Variants in SLC17A8 observed in about 807,000 individuals in gnomAD.
The protein encoded by SLC17A8 is solute carrier family 17 member 8.
Under a neutral mutation model 58.0 loss-of-function variants are expected in SLC17A8, and 31 were observed. The observed-to-expected ratio is 0.53, with a 90% CI of 0.40 to 0.72. The LOEUF is 0.72. Among genes scored for constraint, SLC17A8 ranks in the 30% least tolerant of loss-of-function variants. The probability of loss-of-function intolerance (pLI) is 0.00; values close to 1 mark genes in which losing one functional copy is unlikely to be tolerated. For missense variants in SLC17A8, 655 were observed against 727.8 expected, an observed-to-expected ratio of 0.90 and a Z score of 1.15; for synonymous variants, 228 against 249.0, an observed-to-expected ratio of 0.92 and a Z score of 0.79.
chr12:100,383,279 T>G (rs1388723333), intron 2 of SLC17A8, among the ~76,000 whole-genome samples: 1 of 152,242 alleles, frequency 6.6e-6, no homozygotes, highest in Non-Finnish European at 1.5e-5. Context: ...ACAATGCTAG[T>G]GTGCGCTCTC....
In SLC17A8 at chr12:100,380,814, TC is replaced by T. The variant is rs1271228606; in HGVS notation, c.219del (p.Lys74SerfsTer8). 1 of 1,613,994 alleles carries T rather than the reference TC, an allele frequency of 6.2e-7. No individual in the cohort carries two copies. The highest frequency in any genetic ancestry group is 8.5e-7 in the Non-Finnish European group (1 of 1,180,026). ...CTCTGCGACTGCCACTGCTGCGGCCTCCCCAAGCGTTACATCATTGCTATCA... is the reference window on the plus strand; with the variant it reads ...CTCTGCGACTGCCACTGCTGCGGCCTCCCAAGCGTTACATCATTGCTATCA... ...PPLCDCHCCG[L>X]PKRYIIAIMS... On this transcript the variant is annotated frameshift_variant, in exon 2 of 12. Transcript: ENST00000323346. LOFTEE classifies it high-confidence loss of function.
In SLC17A8 at chr12:100,400,064, T is replaced by C. The variant is rs758455078; in HGVS notation, c.677-1713T>C. Among the ~76,000 whole-genome samples, 87 of 152,096 alleles carry C rather than the reference T, an allele frequency of 5.7e-4. 2 individuals carry two copies. Among genetic ancestry groups the C allele is most frequent in the African/African-American group, 2.2e-4 (9 of 41,410 alleles). ...AAGGAGAGTTAAACAAAGTCATAGG[T>C]ACAGTATACTTAGCATGGTACTAGG... On this transcript the variant is annotated intron_variant, in intron 5 of 11. Coordinates refer to ENST00000323346, the MANE Select transcript of SLC17A8 (RefSeq NM_139319.3).
At chr12:100,358,433 C>T (rs1189033505) in intron 1 of SLC17A8, among the ~76,000 whole-genome samples, 2 of 152,052 alleles carry the variant, frequency 1.3e-5, no homozygotes, top group African/African-American at 4.8e-5. Context: ...TGACTATTTC[C>T]AGGCAATCTG....
intron 9 of SLC17A8, chr12:100,410,519 G>C (rs1458832607): frequency 6.6e-6 from 1 of 150,484 alleles, no homozygotes; most frequent in Admixed American, 6.6e-5. Context: ...AAGTTAGCCG[G>C]GCGTGGTGGT....
At chr12:100,375,786 C>T (rs148347177) in intron 1 of SLC17A8, among the ~76,000 whole-genome samples, 39 of 152,260 alleles carry the variant, frequency 2.6e-4, no homozygotes, top group African/African-American at 8.9e-4. Flanking sequence ...CAGGCACTGC[C>T]GTGAATCATT....
intron 2 of SLC17A8, among the ~76,000 whole-genome samples, chr12:100,388,844 A>C (rs747524598): frequency 6.6e-5 from 10 of 152,212 alleles, no homozygotes; most frequent in Non-Finnish European, 1.2e-4. Flanking sequence ...GCGAATACAC[A>C]CTTGTACCTT....
At chr12:100,364,574 T>C (rs1379988310) in intron 1 of SLC17A8, among the ~76,000 whole-genome samples, 3 of 152,202 alleles carry the variant, frequency 2.0e-5, no homozygotes, top group Admixed American at 1.3e-4. Flanking sequence ...TGACATCAAC[T>C]GGCCAAGTCA....
chr12:100,368,206 T>A (rs1952533499), intron 1 of SLC17A8, among the ~76,000 whole-genome samples: 1 of 152,172 alleles, frequency 6.6e-6, no homozygotes, highest in African/African-American at 2.4e-5. Flanking sequence ...AGGGCCAAGC[T>A]CCTCCTGAAG....
intron 8 of SLC17A8, among the ~76,000 whole-genome samples, chr12:100,403,774 G>T (rs1952807595): frequency 1.3e-5 from 2 of 152,200 alleles, no homozygotes; most frequent in African/African-American, 4.8e-5. Flanking sequence ...TCTCCCATGT[G>T]CCATGCCCTC....
Position 100,421,568 on chromosome 12 carries a change from A to C in SLC17A8, c.*1409A>C, listed in dbSNP as rs2136021631. 1 of 151,654 alleles carries C rather than the reference A, an allele frequency of 6.6e-6. No individual in the cohort carries two copies. Among genetic ancestry groups the C allele is most frequent in the Admixed American group, 6.6e-5 (1 of 15,202 alleles). The allele number at this position is 151,654 out of a possible 1,614,324, so 9.4% of individuals were successfully genotyped here. ...TGAAAATAAAATTATTTTCCTGTTC[A>C]TTGATTTTAAACATTTTATTCCTAC... is the stretch of plus-strand genomic sequence containing the variant. On this transcript the variant is annotated 3_prime_UTR_variant, in exon 12 of 12. Transcript: ENST00000323346.
rs77819110 is a variant in SLC17A8 at position 100,411,722 on chromosome 12, C to A, written c.1187-1048C>A. 5.9e-3 allele frequency among the ~76,000 whole-genome samples: 893 copies of A among 152,124 alleles called. 7 individuals carry two copies. The highest frequency in any genetic ancestry group is 0.021 in the African/African-American group (862 of 41,504). The stretch of plus-strand genomic sequence containing the variant: ...AACTTTTTTTTCGGGTGAGAAGGAA[C>A]TTCTTCATAATTTCCTCATTCTTTT... On this transcript the variant is annotated intron_variant, in intron 9 of 11. Coordinates refer to ENST00000323346, the MANE Select transcript of SLC17A8 (RefSeq NM_139319.3).
intron 9 of SLC17A8, among the ~76,000 whole-genome samples, chr12:100,412,231 C>T (rs1566404225): frequency 1.3e-5 from 2 of 152,076 alleles, no homozygotes; most frequent in Non-Finnish European, 1.5e-5. Flanking sequence ...TTTGTGAACA[C>T]CCAGGGAATA....
chr12:100,411,043 C>A (rs73376052), intron 9 of SLC17A8, among the ~76,000 whole-genome samples: 3,324 of 152,258 alleles, frequency 0.022, 126 homozygotes, highest in African/African-American at 0.075. Context: ...GAAAGTGAAC[C>A]CATACCAGTT....
intron 1 of SLC17A8, among the ~76,000 whole-genome samples, chr12:100,371,593 ACT>A (rs1555325335): frequency 6.6e-6 from 1 of 151,830 alleles, no homozygotes; most frequent in Non-Finnish European, 1.5e-5. Context: ...CAGAGTTCTC[ACT>A]CTGTCACCCA....
rs140457620 is a variant in SLC17A8, at chr12:100,386,877, C to T, written c.355-4124C>T. On this transcript the variant is annotated intron_variant, in intron 2 of 11. Transcript: ENST00000323346. ...CTAATTTTTATATTTTTAGTAGAGA[C>T]GGGGTTTCACCACATTGGCCAGGCT... Among the ~76,000 whole-genome samples the T allele has an allele frequency of 4.8e-3, 731 of 152,016 alleles. 6 individuals carry two copies. Among genetic ancestry groups the T allele is most frequent in the African/African-American group, 0.016 (678 of 41,496 alleles).
intron 1 of SLC17A8, among the ~76,000 whole-genome samples, chr12:100,367,832 C>T (rs115667114): frequency 1.3e-5 from 2 of 152,170 alleles, no homozygotes; most frequent in Non-Finnish European, 2.9e-5. Flanking sequence ...GGATTACAGG[C>T]GTGAACCCCT....
rs151279624 is a variant in SLC17A8 at position 100,388,829 on chromosome 12, AT to A, written c.355-2169del. Among the ~76,000 whole-genome samples the A allele has an allele frequency of 3.1e-3, 478 of 152,314 alleles. 5 individuals carry two copies. The highest frequency in any genetic ancestry group is 0.011 in the African/African-American group (450 of 41,566). ...TACAAAGCCATTCATTTATTCATTC[AT>A]TTGGCGAATACACACTTGTACCTTC... On this transcript the variant is annotated intron_variant, in intron 2 of 11. Coordinates refer to ENST00000323346, the MANE Select transcript of SLC17A8 (RefSeq NM_139319.3).
rs111618673 is a variant in SLC17A8, at chr12:100,407,132, A to G, written c.1186+2962A>G. On this transcript the variant is annotated intron_variant, in intron 9 of 11. Transcript: ENST00000323346. ...TATAAAAAGTTCTCAACAAATGTTA[A>G]TGCTGCTTTTTTTCTCCTATGTTCA... is the stretch of plus-strand genomic sequence containing the variant. 6.2e-3 allele frequency among the ~76,000 whole-genome samples: 947 copies of G among 152,352 alleles called. 7 individuals are homozygous for G. Among genetic ancestry groups the G allele is most frequent in the Non-Finnish European group, 0.011 (721 of 68,038 alleles).
At chr12:100,408,481 ACT>A (rs1952842340) in intron 9 of SLC17A8, among the ~76,000 whole-genome samples, 2 of 152,072 alleles carry the variant, frequency 1.3e-5, no homozygotes, top group Non-Finnish European at 2.9e-5. Context: ...TTTCTTGTCA[ACT>A]CTAAATAGGT....
Sources: gnomAD v4.1 joint callset for allele counts (sites outside exome capture counted in the v4.1 genomes callset) on GRCh38, gnomAD v4.1.1 for gene constraint, MANE v1.5 for transcripts, NCBI Gene and HGNC (gene_info 2026-07-23, HGNC 2026-07-21) for gene names.